Variants in SVOP observed in about 807,000 individuals in gnomAD.
SVOP encodes the protein synaptic vesicle 2-related protein.
A neutral mutation model predicts 69.1 loss-of-function variants in SVOP; 17 were observed. The ratio of observed to expected loss-of-function variants is 0.25; its 90% confidence interval spans 0.17 to 0.37. The LOEUF is 0.37. Ranked by LOEUF, SVOP falls within the 10% of genes least tolerant of loss-of-function variation. SVOP has a pLI of 1.00. For missense variants in SVOP, 435 were observed against 597.5 expected (o/e 0.73, Z 2.84); for synonymous variants, 238 against 238.6 (o/e 1.00, Z 0.02).
intron 11 of SVOP, among the ~76,000 whole-genome samples, chr12:108,924,732 G>A (rs779441557): frequency 2.2e-4 from 34 of 152,114 alleles, no homozygotes; most frequent in Admixed American, 8.5e-4. Context: ...TAAAATAATA[G>A]CCACCCAAGA....
intron 10 of SVOP, 107 bp downstream of exon 10, chr12:108,937,157 A>G (rs2039861467): frequency 1.7e-6 from 2 of 1,147,490 alleles, no homozygotes; most frequent in Non-Finnish European, 2.6e-6. Flanking sequence ...GAAATTTGCA[A>G]ACGCTGCCTG....
intron 4 of SVOP, among the ~76,000 whole-genome samples, chr12:108,973,396 T>C (rs1296994827): frequency 6.6e-6 from 1 of 152,042 alleles, no homozygotes; most frequent in African/African-American, 2.4e-5. Flanking sequence ...TATTTATTTG[T>C]TTGTTTGTTT....
At chr12:109,003,858 T>G (rs1189563994) in intron 1 of SVOP, among the ~76,000 whole-genome samples, 4 of 152,172 alleles carry the variant, frequency 2.6e-5, no homozygotes, top group Admixed American at 2.6e-4. Context: ...TCCTCCTGCC[T>G]CAGCCTCCTG....
intron 11 of SVOP, among the ~76,000 whole-genome samples, chr12:108,933,906 C>T (rs895017710): frequency 7.2e-5 from 11 of 152,062 alleles, no homozygotes; most frequent in African/African-American, 2.4e-4. Context: ...AATCGCTGTC[C>T]GCTCAGATAA....
At chr12:108,973,174 T>A (rs1566060435) in intron 4 of SVOP, among the ~76,000 whole-genome samples, 1 of 152,116 alleles carries the variant, frequency 6.6e-6, no homozygotes, top group Non-Finnish European at 1.5e-5. Context: ...TATGCACACA[T>A]CTTACTGCAT....
At chr12:108,919,828 T>C in intron 12 of SVOP, 42 bp from the exon 13 acceptor site, 1 of 1,357,952 alleles carries the variant, frequency 7.4e-7, no homozygotes, top group Non-Finnish European at 1.0e-6. Flanking sequence ...TCCGATGTGA[T>C]TCCCAATGCC....
rs575951583 is a variant in SVOP at position 108,918,088 on chromosome 12, C to T, written c.1305G>A (p.Ala435=). ...VLTLLLFIAR[A]FISGGFQAAY... is the part of the protein sequence containing the mutation. ...CCGCTTGAAAGCCTCCAGAAATAAA[C>T]GCTCTTGCAATGAAGAGTAACAGAG... Residue 435 remains alanine, a synonymous_variant, in exon 14 of 16, where the codon GCG becomes GCA. Transcript: ENST00000610966. 7 of 1,580,986 alleles carry T rather than the reference C, an allele frequency of 4.4e-6. No homozygotes were observed. Among genetic ancestry groups the T allele is most frequent in the South Asian group, 2.3e-5 (2 of 85,712 alleles).
chr12:108,988,139 G>A (rs1485142094), intron 1 of SVOP, among the ~76,000 whole-genome samples: 1 of 151,862 alleles, frequency 6.6e-6, no homozygotes, highest in Non-Finnish European at 1.5e-5. Context: ...TGGCCAGGCT[G>A]ATCTTGAACT....
chr12:108,942,594 C>A (rs2039897701), intron 7 of SVOP, among the ~76,000 whole-genome samples: 1 of 152,238 alleles, frequency 6.6e-6, no homozygotes, highest in African/African-American at 2.4e-5. Flanking sequence ...TCCCTCCCTG[C>A]AGAGCAGTCG....
At chr12:108,915,467 T>C (rs1593174953) in intron 15 of SVOP, among the ~76,000 whole-genome samples, 1 of 152,350 alleles carries the variant, frequency 6.6e-6, no homozygotes, top group East Asian at 1.9e-4. Context: ...TCACTCACAA[T>C]TGCCCACTTG....
At chr12:108,927,589 CTT>C (rs10679632) in intron 11 of SVOP, among the ~76,000 whole-genome samples, 46 of 131,246 alleles carry the variant, frequency 3.5e-4, no homozygotes, top group South Asian at 7.1e-4. Context: ...CTCTCTCTCT[CTT>C]TTTTTTTTTT....
intron 10 of SVOP, 97 bp from the exon 11 acceptor site, chr12:108,934,368 G>A: frequency 3.9e-6 from 4 of 1,013,808 alleles, no homozygotes; most frequent in Non-Finnish European, 5.8e-6. Context: ...ACAGCAGCAG[G>A]GACCAGTCTT....
intron 5 of SVOP, among the ~76,000 whole-genome samples, chr12:108,967,785 C>A (rs1480563110): frequency 6.6e-6 from 1 of 152,134 alleles, no homozygotes; most frequent in African/African-American, 2.4e-5. Context: ...GTGTGACAAT[C>A]AAAAATGTCT....
At chr12:109,005,689 T>G (rs750458948) in intron 1 of SVOP, among the ~76,000 whole-genome samples, 5 of 152,128 alleles carry the variant, frequency 3.3e-5, no homozygotes, top group Admixed American at 6.6e-5. Context: ...CTGTCCCCAC[T>G]TTACAGATGA....
chr12:108,984,480 G>A (rs1377995570), intron 1 of SVOP, among the ~76,000 whole-genome samples: 1 of 152,056 alleles, frequency 6.6e-6, no homozygotes, highest in Non-Finnish European at 1.5e-5. Context: ...GTTTTAGATG[G>A]GTCATGCACT....
intron 1 of SVOP, among the ~76,000 whole-genome samples, chr12:109,014,118 C>T (rs572122931): frequency 2.0e-5 from 3 of 150,202 alleles, no homozygotes; most frequent in Admixed American, 6.7e-5. Flanking sequence ...TAAGTTCAAG[C>T]GATTCTCGTG....
chr12:109,015,265 A>T (rs1348991740), intron 1 of SVOP, among the ~76,000 whole-genome samples: 1 of 152,166 alleles, frequency 6.6e-6, no homozygotes, highest in African/African-American at 2.4e-5. Context: ...GAAAGAGATG[A>T]GGTGAGATGG....
intron 1 of SVOP, among the ~76,000 whole-genome samples, chr12:109,013,663 T>C (rs993542983): frequency 6.6e-6 from 1 of 152,194 alleles, no homozygotes; most frequent in Admixed American, 6.5e-5. Flanking sequence ...GTGCTGGGAT[T>C]ACAGGCGTGA....
At chr12:108,936,336 C>T (rs2039856158) in intron 10 of SVOP, among the ~76,000 whole-genome samples, 1 of 152,206 alleles carries the variant, frequency 6.6e-6, no homozygotes, top group African/African-American at 2.4e-5. Context: ...TGAGACACCA[C>T]ACCAGCCCAT....
Sources: allele counts gnomAD v4.1 joint callset (sites outside exome capture counted in the v4.1 genomes callset), GRCh38; gene constraint gnomAD v4.1.1; transcripts MANE v1.5; gene names NCBI Gene and HGNC (gene_info 2026-07-23, HGNC 2026-07-21).